Variants in PAK1 observed in about 807,000 individuals in gnomAD.
PAK1 encodes the protein p21 (RAC1) activated kinase 1.
Under a neutral mutation model 67.4 loss-of-function variants are expected in PAK1, and 29 were observed. That is an observed-to-expected ratio of 0.43 (90% CI 0.32 to 0.59). PAK1 has a LOEUF of 0.59. PAK1 is among the 20% of genes least tolerant of loss of function. The pLI is 0.07. For missense variants in PAK1, 337 were observed against 670.7 expected, an observed-to-expected ratio of 0.50 and a Z score of 5.50; for synonymous variants, 223 against 237.4, an observed-to-expected ratio of 0.94 and a Z score of 0.56.
intron 14 of PAK1, among the ~76,000 whole-genome samples, chr11:77,329,920 A>G (rs1279424304): frequency 6.6e-6 from 1 of 152,188 alleles, no homozygotes; most frequent in Non-Finnish European, 1.5e-5. Flanking sequence ...CAAGCTGATA[A>G]GCAACTTCAG....
chr11:77,325,267 G>A, intron 14 of PAK1: 1 of 1,605,332 alleles, frequency 6.2e-7, no homozygotes, highest in Admixed American at 1.7e-5. Context: ...ATTAAGAGCA[G>A]TGGCCAAGAG....
At chr11:77,367,478 A>G (rs1238821707) in intron 5 of PAK1, among the ~76,000 whole-genome samples, 1 of 152,222 alleles carries the variant, frequency 6.6e-6, no homozygotes, top group African/African-American at 2.4e-5. Flanking sequence ...TTCCTTAGAG[A>G]TAAGAAAATA....
chr11:77,390,657 C>G lies in PAK1; in HGVS notation c.190+1674G>C, dbSNP rs914399685. Among the ~76,000 whole-genome samples, 6 of 147,310 alleles carry G rather than the reference C, an allele frequency of 4.1e-5. No homozygotes were observed. In the Admixed American group the frequency reaches 4.1e-4, roughly 10 times the overall value. On this transcript the variant is annotated intron_variant, in intron 2 of 14. Coordinates refer to ENST00000356341, the MANE Select transcript of PAK1 (RefSeq NM_002576.5). ...TACTACAGGCACACGCCACCATGCC[C>G]GACTCCTTTTTTTTTTTTTTTTTTA... is the stretch of plus-strand genomic sequence containing the variant.
In PAK1 at chr11:77,359,078, G is replaced by C. The variant is rs755666989; in HGVS notation, c.478-61C>G. The C allele has an allele frequency of 3.4e-5, 52 of 1,542,682 alleles. No individual in the cohort carries two copies. In the Admixed American group the frequency reaches 6.5e-4, roughly 19 times the overall value. On this transcript the variant is annotated intron_variant, in intron 5 of 14. Coordinates refer to ENST00000356341, the MANE Select transcript of PAK1 (RefSeq NM_002576.5). ...AGCTGCCATGGAACTTAACTATCAGGATCACCAAACCTCCCACGAGAAACC... is the reference window on the plus strand; with the variant it reads ...AGCTGCCATGGAACTTAACTATCAGCATCACCAAACCTCCCACGAGAAACC...
At chr11:77,499,798 CACACACACACACAT>C in the PAK1 span, among the ~76,000 whole-genome samples, 1 of 149,288 alleles carries the variant, frequency 6.7e-6, no homozygotes, top group Admixed American at 6.6e-5. Flanking sequence ...TGACACTGCA[CACACACACACACAT>C]ACACACACAG....
chr11:77,523,726 C>A, the PAK1 span, among the ~76,000 whole-genome samples: 1 of 152,108 alleles, frequency 6.6e-6, no homozygotes. Flanking sequence ...CCTCTTCATA[C>A]TTTTAAAATA....
At chr11:77,323,431 T>C in intron 14 of PAK1, 71 bp from the exon 15 acceptor site, 4 of 1,013,434 alleles carry the variant, frequency 3.9e-6, no homozygotes, top group Non-Finnish European at 6.2e-6. Context: ...TTACAAGACA[T>C]AAAGGCATCT....
the PAK1 span, among the ~76,000 whole-genome samples, chr11:77,503,824 T>C: frequency 5.3e-5 from 8 of 152,212 alleles, no homozygotes; most frequent in Admixed American, 2.6e-4. Flanking sequence ...TCAACTCCAG[T>C]CTAGGCAACA....
intron 2 of PAK1, among the ~76,000 whole-genome samples, chr11:77,380,820 G>A (rs955076490): frequency 7.2e-5 from 11 of 152,070 alleles, no homozygotes; most frequent in Admixed American, 7.2e-4. Flanking sequence ...GTGAAGAAAG[G>A]AAAAAATGAC....
the PAK1 span, among the ~76,000 whole-genome samples, chr11:77,511,409 C>T: frequency 6.6e-6 from 1 of 152,202 alleles, no homozygotes; most frequent in African/African-American, 2.4e-5. Flanking sequence ...AGTGTCAGCA[C>T]TGGCTTAGAT....
chr11:77,455,458 A>T (rs576523676), intron 1 of PAK1, among the ~76,000 whole-genome samples: 8 of 152,334 alleles, frequency 5.3e-5, no homozygotes, highest in Non-Finnish European at 1.0e-4. Flanking sequence ...ACTGCAGCAG[A>T]GGCAGCATAG....
At chr11:77,390,753 C>T (rs1309043160) in intron 2 of PAK1, among the ~76,000 whole-genome samples, 3 of 150,966 alleles carry the variant, frequency 2.0e-5, no homozygotes, top group Non-Finnish European at 2.9e-5. Context: ...CCTCCCACCT[C>T]GGCCTCCCAA....
chr11:77,413,298 G>A (rs995106975), intron 1 of PAK1, among the ~76,000 whole-genome samples: 2 of 152,142 alleles, frequency 1.3e-5, no homozygotes, highest in Non-Finnish European at 2.9e-5. Flanking sequence ...AGAGGTTCAG[G>A]CAACAGAAAA....
chr11:77,490,498 A>G, the PAK1 span, among the ~76,000 whole-genome samples: 1 of 129,364 alleles, frequency 7.7e-6, no homozygotes, highest in African/African-American at 3.0e-5. Context: ...CCCGTCCGGG[A>G]GGGAGGTGGG....
chr11:77,336,376 C>T, intron 12 of PAK1, 94 bp from the exon 13 acceptor site: 2 of 896,614 alleles, frequency 2.2e-6, no homozygotes, highest in Non-Finnish European at 3.3e-6. Context: ...GTGACAAGAT[C>T]CGCCTGGCTT....
At chr11:77,408,440 C>T (rs1953965925) in intron 1 of PAK1, among the ~76,000 whole-genome samples, 1 of 151,662 alleles carries the variant, frequency 6.6e-6, no homozygotes, top group Admixed American at 6.6e-5. Flanking sequence ...AAGAAAAAGA[C>T]AGGCAATAAT....
chr11:77,424,418 C>A, intron 1 of PAK1, among the ~76,000 whole-genome samples: 1 of 152,128 alleles, frequency 6.6e-6, no homozygotes, highest in East Asian at 1.9e-4. Context: ...TGCATATTTG[C>A]CCCTAATGAG....
intron 1 of PAK1, among the ~76,000 whole-genome samples, chr11:77,463,889 A>G (rs1001085241): frequency 2.6e-4 from 39 of 152,338 alleles, no homozygotes; most frequent in African/African-American, 9.1e-4. Flanking sequence ...ATCCAACTGA[A>G]AGATACGGTT....
intron 6 of PAK1, among the ~76,000 whole-genome samples, chr11:77,357,010 C>T (rs1437844042): frequency 1.3e-5 from 2 of 152,068 alleles, no homozygotes; most frequent in Admixed American, 1.3e-4. Flanking sequence ...GTCATTCATC[C>T]GTGAGTTCCT....
Sources: allele counts gnomAD v4.1 joint callset (sites outside exome capture counted in the v4.1 genomes callset), GRCh38; gene constraint gnomAD v4.1.1; transcripts MANE v1.5; gene names NCBI Gene and HGNC (gene_info 2026-07-23, HGNC 2026-07-21).